Variants in RIT2 observed in about 807,000 individuals in gnomAD.
RIT2 encodes Ras like without CAAX 2, also known as GTP-binding protein Rit2.
In RIT2, 24 loss-of-function variants were observed where a neutral mutation model predicts 23.7. The observed-to-expected ratio is 1.01, with a 90% CI of 0.73 to 1.43. The LOEUF is 1.43. RIT2 is among the 40% of genes most tolerant of loss of function. RIT2 has a pLI of 0.00. For synonymous variants in RIT2, 107 were observed against 91.1 expected (o/e 1.17, Z -0.99); for missense variants, 236 against 266.9 (o/e 0.88, Z 0.81).
chr18:42,946,142 A>G (rs1207736891), intron 3 of RIT2, among the ~76,000 whole-genome samples: 1 of 152,114 alleles, frequency 6.6e-6, no homozygotes, highest in Admixed American at 6.6e-5. Flanking sequence ...TGTAGACCCT[A>G]TGAAAAAATA....
chr18:42,964,095 G>A lies in RIT2; in HGVS notation c.234+9979C>T, dbSNP rs529188063. Among the ~76,000 whole-genome samples the A allele has an allele frequency of 4.6e-5, 7 of 151,646 alleles. No homozygotes were observed. In the East Asian group the frequency reaches 1.4e-3, roughly 30 times the overall value. On this transcript the variant is annotated intron_variant, in intron 3 of 4. Coordinates refer to ENST00000326695, the MANE Select transcript of RIT2 (RefSeq NM_002930.4). ...AATTTCAGCTACTTGGGAGGATGAG[G>A]CAGGATAATAGCTTAAACCTGGGAG...
At chr18:42,796,750 A>G (rs972387822) in intron 4 of RIT2, among the ~76,000 whole-genome samples, 1 of 152,104 alleles carries the variant, frequency 6.6e-6, no homozygotes, top group African/African-American at 2.4e-5. Context: ...TGATTTTACC[A>G]CTTTCCTGTC....
intron 4 of RIT2, among the ~76,000 whole-genome samples, chr18:42,918,209 G>A (rs1908962267): frequency 6.6e-6 from 1 of 152,080 alleles, no homozygotes; most frequent in Non-Finnish European, 1.5e-5. Flanking sequence ...TTGGGAAAAT[G>A]AATTAAATTT....
intron 3 of RIT2, among the ~76,000 whole-genome samples, chr18:42,939,261 A>G (rs1909536376): frequency 6.6e-6 from 1 of 152,116 alleles, no homozygotes; most frequent in Admixed American, 6.6e-5. Context: ...GCCACTTCAT[A>G]GGTCCCTAGG....
intron 4 of RIT2, among the ~76,000 whole-genome samples, chr18:42,853,389 C>G (rs1290560886): frequency 6.6e-6 from 1 of 152,178 alleles, no homozygotes; most frequent in African/African-American, 2.4e-5. Flanking sequence ...TTGGCATAAA[C>G]TCAGACTACG....
chr18:43,031,768 CA>C (rs1266105316), intron 2 of RIT2, among the ~76,000 whole-genome samples: 16 of 152,028 alleles, frequency 1.1e-4, no homozygotes, highest in Admixed American at 6.6e-4. Context: ...AAGCCTCAGT[CA>C]GTAGGGTAAC....
At chr18:43,038,315 T>G (rs1912038540) in intron 1 of RIT2, among the ~76,000 whole-genome samples, 1 of 53,992 alleles carries the variant, frequency 1.9e-5, no homozygotes, top group African/African-American at 4.4e-5. Context: ...GAATCGTGGT[T>G]TTTTTTTTTT....
chr18:42,807,579 T>C (rs1211693096), intron 4 of RIT2, among the ~76,000 whole-genome samples: 1 of 152,154 alleles, frequency 6.6e-6, no homozygotes, highest in Non-Finnish European at 1.5e-5. Context: ...ATCGCACCAC[T>C]GCACTCCAGC....
chr18:43,099,787 T>C (rs1275998693), intron 1 of RIT2, among the ~76,000 whole-genome samples: 1 of 152,166 alleles, frequency 6.6e-6, no homozygotes, highest in Non-Finnish European at 1.5e-5. Flanking sequence ...TTTCAATTGA[T>C]GGCAAAATCA....
intron 4 of RIT2, among the ~76,000 whole-genome samples, chr18:42,861,703 G>A (rs529476111): frequency 3.9e-5 from 6 of 152,272 alleles, no homozygotes; most frequent in Non-Finnish European, 8.8e-5. Flanking sequence ...ATTTTGTTAA[G>A]AGATTCTGCA....
At chr18:42,918,404 C>T (rs913477272) in intron 4 of RIT2, among the ~76,000 whole-genome samples, 8 of 151,992 alleles carry the variant, frequency 5.3e-5, no homozygotes, top group Admixed American at 2.6e-4. Context: ...TTACAAAATG[C>T]TATGGAAAAG....
chr18:42,862,778 T>C (rs535622358), intron 4 of RIT2, among the ~76,000 whole-genome samples: 3 of 152,300 alleles, frequency 2.0e-5, no homozygotes, highest in Admixed American at 6.5e-5. Flanking sequence ...TTAACATTAG[T>C]GTTTCAGCCT....
intron 4 of RIT2, among the ~76,000 whole-genome samples, chr18:42,885,535 G>T (rs1038358404): frequency 1.3e-5 from 2 of 152,098 alleles, no homozygotes; most frequent in African/African-American, 4.8e-5. Flanking sequence ...GCAGTGAGCC[G>T]AGATCGTGCC....
At chr18:42,983,071 T>G (rs915102020) in intron 2 of RIT2, among the ~76,000 whole-genome samples, 2 of 151,710 alleles carry the variant, frequency 1.3e-5, no homozygotes, top group African/African-American at 2.4e-5. Flanking sequence ...AAAGGAAAAA[T>G]AAAATGGAAA....
At chr18:43,100,914 C>T (rs1252740393) in intron 1 of RIT2, among the ~76,000 whole-genome samples, 3 of 151,722 alleles carry the variant, frequency 2.0e-5, no homozygotes, top group East Asian at 2.0e-4. Flanking sequence ...AAGGAGACTA[C>T]GTAGGTGATC....
At chr18:42,761,388 C>T (rs1055590746) in intron 4 of RIT2, among the ~76,000 whole-genome samples, 7 of 152,142 alleles carry the variant, frequency 4.6e-5, no homozygotes, top group Non-Finnish European at 1.0e-4. Context: ...TTGCTTATCA[C>T]TTGTCTATTA....
intron 1 of RIT2, among the ~76,000 whole-genome samples, chr18:43,108,166 C>G (rs2144249131): frequency 7.8e-6 from 1 of 127,862 alleles, no homozygotes; most frequent in East Asian, 2.5e-4. Context: ...TAGAACGAGA[C>G]TCCATCTCAA....
intron 1 of RIT2, among the ~76,000 whole-genome samples, chr18:43,106,635 C>T (rs935360603): frequency 6.6e-6 from 1 of 152,186 alleles, no homozygotes; most frequent in South Asian, 2.1e-4. Context: ...CCCCACTCCC[C>T]CTTCGGCTTT....
At chr18:42,919,116 A>C (rs940873852) in intron 4 of RIT2, among the ~76,000 whole-genome samples, 1 of 152,166 alleles carries the variant, frequency 6.6e-6, no homozygotes, top group Non-Finnish European at 1.5e-5. Flanking sequence ...ACTATATTCC[A>C]AAACCATCAC....
Sources: allele counts gnomAD v4.1 joint callset (sites outside exome capture counted in the v4.1 genomes callset), GRCh38; gene constraint gnomAD v4.1.1; transcripts MANE v1.5; gene names NCBI Gene and HGNC (gene_info 2026-07-23, HGNC 2026-07-21).